The following RBPMS2 variants were observed in gnomAD, a reference collection of about 807,000 sequenced individuals.
RBPMS2 encodes the protein RNA binding protein, mRNA processing factor 2, also known as RNA-binding protein with multiple splicing 2.
A neutral mutation model predicts 25.7 loss-of-function variants in RBPMS2; 14 were observed. The observed-to-expected ratio is 0.55, with a 90% CI of 0.36 to 0.85. The LOEUF is 0.85. RBPMS2 is among the 40% of genes least tolerant of loss of function. The pLI is 0.01. For synonymous variants in RBPMS2, 127 were observed against 115.6 expected (o/e 1.10, Z -0.63); for missense variants, 252 against 283.4 (o/e 0.89, Z 0.80).
intron 1 of RBPMS2, chr15:64,762,422 C>G (rs1177273617): frequency 1.9e-6 from 1 of 534,616 alleles, no homozygotes; most frequent in African/African-American, 1.9e-5. Flanking sequence ...GAGCTGCAGC[C>G]TACATTTCTA....
chr15:64,767,859 G>A (rs1332958711), intron 1 of RBPMS2, among the ~76,000 whole-genome samples: 2 of 152,080 alleles, frequency 1.3e-5, no homozygotes, highest in Non-Finnish European at 2.9e-5. Context: ...GTAAGGACGG[G>A]GTTTAATCAT....
Position 64,750,346 on chromosome 15 carries a change from T to C in RBPMS2, c.201A>G (p.Arg67=), listed in dbSNP as rs141632521. The change falls in exon 3 of 8, where the codon AGA becomes AGG. Residue 67 remains arginine, a synonymous_variant. Coordinates refer to ENST00000300069, the MANE Select transcript of RBPMS2 (RefSeq NM_194272.3). The part of the protein sequence containing the change: ...YEGSLIKLTA[R]QPVGFVIFDS... ...AAAACCCTAGGAGAGAAATTACCTG[T>C]CTTGCAGTGAGCTTGATCAGGGACC... The C allele has an allele frequency of 1.1e-5, 18 of 1,613,644 alleles. No individual in the cohort carries two copies. In the African/African-American group the frequency reaches 2.3e-4, roughly 20 times the overall value.
In RBPMS2 at chr15:64,771,404, C is replaced by T. The variant is rs188742495; in HGVS notation, c.87+3829G>A. Among the ~76,000 whole-genome samples, 73 of 152,282 alleles carry T rather than the reference C, an allele frequency of 4.8e-4. 1 individual carries two copies. In the East Asian group the frequency reaches 0.011, roughly 23 times the overall value. On this transcript the variant is annotated intron_variant, in intron 1 of 7. Transcript: ENST00000300069. ...ATTTGTATATAACCTATGCACAGGC[C>T]GGGCACGGTGGCTCACGTCTGTAAT...
At chr15:64,762,468 C>A (rs762074711) in intron 1 of RBPMS2, 2 of 534,656 alleles carry the variant, frequency 3.7e-6, no homozygotes, top group African/African-American at 3.9e-5. Flanking sequence ...ACACTGAGCA[C>A]GTTTTCAGAA....
At chr15:64,747,530 G>A (rs565508866) in intron 6 of RBPMS2, among the ~76,000 whole-genome samples, 3 of 152,238 alleles carry the variant, frequency 2.0e-5, no homozygotes, top group Non-Finnish European at 2.9e-5. Flanking sequence ...CAAAGGTTGA[G>A]GTGGGCTCAA....
intron 1 of RBPMS2, among the ~76,000 whole-genome samples, chr15:64,769,167 T>A (rs1398033381): frequency 2.0e-5 from 3 of 149,364 alleles, no homozygotes; most frequent in South Asian, 2.1e-4. Context: ...ATAGATTTTT[T>A]AAAAAAGAAT....
chr15:64,764,227 T>C (rs1035387734), intron 1 of RBPMS2, among the ~76,000 whole-genome samples: 1 of 152,170 alleles, frequency 6.6e-6, no homozygotes, highest in Non-Finnish European at 1.5e-5. Flanking sequence ...ACAGATCTAC[T>C]GCCTGCCTGT....
At chr15:64,763,209 T>C (rs1047125109) in intron 1 of RBPMS2, among the ~76,000 whole-genome samples, 5 of 152,018 alleles carry the variant, frequency 3.3e-5, no homozygotes, top group African/African-American at 1.2e-4. Flanking sequence ...TGTGGCGACA[T>C]GGCCTGCAGA....
In RBPMS2 at chr15:64,775,377, C is replaced by A; in HGVS notation, c.-58G>T. The A allele has an allele frequency of 1.9e-6, 2 of 1,067,954 alleles. No homozygotes were observed. Among genetic ancestry groups the A allele is most frequent in the Non-Finnish European group, 2.4e-6 (2 of 842,740 alleles). The allele number at this position is 1,067,954 out of a possible 1,614,324, so 66.2% of individuals were successfully genotyped here. On this transcript the variant is annotated 5_prime_UTR_variant, in exon 1 of 8. Transcript: ENST00000300069. Reference sequence around the variant, plus strand: ...GAGGGCGAGCGCGGCGCCGGCCCCGCGGGAAGTGGGAAGGGGCGCGGGGAG... The same window carrying A: ...GAGGGCGAGCGCGGCGCCGGCCCCGAGGGAAGTGGGAAGGGGCGCGGGGAG...
chr15:64,760,155 G>A (rs1171138283), intron 1 of RBPMS2, among the ~76,000 whole-genome samples: 3 of 152,234 alleles, frequency 2.0e-5, no homozygotes, highest in Non-Finnish European at 1.5e-5. Context: ...CAGGAATAGG[G>A]AATGGGCTCG....
At chr15:64,774,271 GCT>G (rs1457221839) in intron 1 of RBPMS2, among the ~76,000 whole-genome samples, 6 of 152,180 alleles carry the variant, frequency 3.9e-5, no homozygotes, top group African/African-American at 9.7e-5. Flanking sequence ...GGGCAGGAAG[GCT>G]CTCTCACCCC....
chr15:64,768,283 C>G (rs1389958919), intron 1 of RBPMS2, among the ~76,000 whole-genome samples: 1 of 152,006 alleles, frequency 6.6e-6, no homozygotes, highest in Non-Finnish European at 1.5e-5. Context: ...CAAGGCAGGA[C>G]AATCGTTTGA....
intron 1 of RBPMS2, among the ~76,000 whole-genome samples, chr15:64,767,951 G>A (rs778099619): frequency 6.6e-6 from 1 of 152,190 alleles, no homozygotes; most frequent in South Asian, 2.1e-4. Flanking sequence ...TTACAGGCAT[G>A]AGCCAACATG....
intron 2 of RBPMS2, among the ~76,000 whole-genome samples, chr15:64,750,883 C>T (rs577980354): frequency 6.6e-6 from 1 of 151,572 alleles, no homozygotes; most frequent in Non-Finnish European, 1.5e-5. Context: ...ACTAAAAATA[C>T]AAAAACTAGC....
chr15:64,761,681 C>A (rs1436885206), intron 1 of RBPMS2, among the ~76,000 whole-genome samples: 2 of 148,258 alleles, frequency 1.3e-5, no homozygotes, highest in East Asian at 4.1e-4. Flanking sequence ...CACAGGTGCA[C>A]ACCACAAAGC....
rs150604668 is a variant in RBPMS2 at position 64,748,436 on chromosome 15, C to A, written c.550G>T (p.Ala184Ser). 3 of 1,613,888 alleles carry A rather than the reference C, an allele frequency of 1.9e-6. No homozygotes were observed. The highest frequency in any genetic ancestry group is 2.5e-6 in the Non-Finnish European group (3 of 1,179,924). ...GGGCTTACCTGAGCGTGGAGGGCGG[C>A]GGCAGCGGCAGTGGCAGTTGGGTAG... ...FTYPTATAAA[A>S]ALHAQVRWYP... Residue 184 changes from alanine to serine, a missense_variant, in exon 6 of 8, where the codon GCC becomes TCC. Physicochemically the swap from Ala to Ser is moderately conservative, Grantham distance 99. Transcript: ENST00000300069.
At chr15:64,741,924 C>T (rs933214716) in intron 6 of RBPMS2, among the ~76,000 whole-genome samples, 2 of 152,066 alleles carry the variant, frequency 1.3e-5, no homozygotes, top group Non-Finnish European at 2.9e-5. Flanking sequence ...CCAGCACTTT[C>T]GGAGGCCGAG....
chr15:64,749,035 G>C lies in RBPMS2; in HGVS notation c.383C>G (p.Pro128Arg). 1 of 1,614,230 alleles carries C rather than the reference G, an allele frequency of 6.2e-7. No homozygotes were observed. The highest frequency in any genetic ancestry group is 1.1e-5 in the South Asian group (1 of 91,084). The change falls in exon 5 of 8, where the codon CCC becomes CGC. Residue 128 changes from proline (P) to arginine (R), a missense_variant. Pro to Arg is a moderately radical substitution (Grantham distance 103). Coordinates refer to ENST00000300069, the MANE Select transcript of RBPMS2 (RefSeq NM_194272.3). ...MATPNPSNVHPALGAHFIARD... is the reference protein window; with the variant it reads ...MATPNPSNVHRALGAHFIARD... ...TGCGATGAAGTGTGCTCCTAGGGCG[G>C]GGTGCACGTTGCTGGGATTTGGAGT...
chr15:64,749,012 C>T lies in RBPMS2; in HGVS notation c.406G>A (p.Ala136Thr), dbSNP rs188576967. 1.2e-5 allele frequency: 20 copies of T among 1,614,124 alleles called. No homozygotes were observed. The East Asian group carries it at 2.7e-4, about 22-fold the overall frequency. The change falls in exon 5 of 8, where the codon GCA becomes ACA. Residue 136 changes from alanine to threonine, a missense_variant. Coordinates refer to ENST00000300069, the MANE Select transcript of RBPMS2 (RefSeq NM_194272.3). Reference sequence around the variant, plus strand: ...GAGTGCCACTCACAGGGGTCCCGTGCGATGAAGTGTGCTCCTAGGGCGGGG... The same window carrying T: ...GAGTGCCACTCACAGGGGTCCCGTGTGATGAAGTGTGCTCCTAGGGCGGGG... Reference protein sequence around the residue: ...VHPALGAHFIARDPYDLMGAA... With the variant: ...VHPALGAHFITRDPYDLMGAA...
Sources: allele counts gnomAD v4.1 joint callset (sites outside exome capture counted in the v4.1 genomes callset), GRCh38; gene constraint gnomAD v4.1.1; transcripts MANE v1.5; gene names NCBI Gene and HGNC (gene_info 2026-07-23, HGNC 2026-07-21).